The following USP54 variants were observed in gnomAD, a reference collection of about 807,000 sequenced individuals.
USP54 encodes the protein ubiquitin carboxyl-terminal hydrolase 54.
A neutral mutation model predicts 170.5 loss-of-function variants in USP54; 87 were observed. The ratio of observed to expected loss-of-function variants is 0.51; its 90% CI spans 0.43 to 0.61. The LOEUF (loss-of-function observed/expected upper bound fraction) is 0.61, where lower values mean the gene tolerates loss of function less well. Among genes scored for constraint, USP54 ranks in the 20% least tolerant of loss-of-function variants. USP54 has a pLI of 0.00. For synonymous variants in USP54, 655 were observed against 742.8 expected (o/e 0.88, Z 1.92); for missense variants, 1,786 against 2,047.8 (o/e 0.87, Z 2.47).
intron 1 of USP54, among the ~76,000 whole-genome samples, chr10:73,610,010 CAAAAAAA>C (rs1190434140): frequency 2.4e-5 from 2 of 82,732 alleles, no homozygotes; most frequent in Non-Finnish European, 5.1e-5. Flanking sequence ...ACTCTGTCTC[CAAAAAAA>C]AAAAAAAAAA....
At chr10:73,520,016 C>A in intron 18 of USP54, 24 bp from the exon 19 acceptor site, 1 of 1,562,316 alleles carries the variant, frequency 6.4e-7, no homozygotes, top group Non-Finnish European at 8.7e-7. Context: ...GAAAATATAG[C>A]AGAAACAGAA....
chr10:73,509,617 T>TAA (rs757858956), intron 20 of USP54, among the ~76,000 whole-genome samples: 4 of 140,586 alleles, frequency 2.8e-5, no homozygotes, highest in South Asian at 2.3e-4. Flanking sequence ...TCCGTCTCAT[T>TAA]AAAAAAAAAA....
chr10:73,604,939 G>T (rs576611648), intron 1 of USP54, among the ~76,000 whole-genome samples: 36 of 152,258 alleles, frequency 2.4e-4, no homozygotes, highest in African/African-American at 7.9e-4. Flanking sequence ...GGGGTGGACA[G>T]CTTTTATTCC....
chr10:73,625,948 C>T (rs1428149335), upstream of USP54: 1 of 151,816 alleles, frequency 6.6e-6, no homozygotes, highest in East Asian at 1.9e-4. Context: ...GCTCCTGGCG[C>T]CGCATACTTA....
Position 73,517,490 on chromosome 10 carries a change from C to T in USP54, c.2936G>A (p.Gly979Glu), listed in dbSNP as rs1350008293. The change falls in exon 20 of 24, where the codon GGG (glycine) becomes GAG (glutamate). Residue 979 changes from glycine to glutamate, a missense_variant. Coordinates refer to ENST00000687698, the MANE Select transcript of USP54 (RefSeq NM_001391956.1). ...FHRQGLPKAP[G>E]WTEKNSHHSW... ...ATGATGAGAATTCTTCTCAGTCCAC[C>T]CTGGTGCTTTAGGTAAACCTTGCCT... 1 of 1,614,180 alleles carries T rather than the reference C, an allele frequency of 6.2e-7. No individual in the cohort carries two copies. Among genetic ancestry groups the T allele is most frequent in the East Asian group, 2.2e-5 (1 of 44,880 alleles).
At chr10:73,601,904 G>A (rs921899410) in intron 1 of USP54, among the ~76,000 whole-genome samples, 6 of 152,134 alleles carry the variant, frequency 3.9e-5, no homozygotes, top group East Asian at 1.9e-4. Flanking sequence ...CAGCTACAAC[G>A]GAGGTCAAGT....
intron 1 of USP54, among the ~76,000 whole-genome samples, chr10:73,622,974 C>G (rs1442772930): frequency 6.6e-6 from 1 of 150,872 alleles, no homozygotes; most frequent in African/African-American, 2.4e-5. Flanking sequence ...AAATTATGAA[C>G]TGACCAGTGA....
At chr10:73,572,175 G>T (rs776442320) in intron 3 of USP54, among the ~76,000 whole-genome samples, 1 of 152,072 alleles carries the variant, frequency 6.6e-6, no homozygotes, top group Non-Finnish European at 1.5e-5. Flanking sequence ...TTCCAATAGG[G>T]GAAGGGGGAT....
At chr10:73,549,150 A>G (rs567858454) in intron 4 of USP54, among the ~76,000 whole-genome samples, 7 of 152,296 alleles carry the variant, frequency 4.6e-5, no homozygotes, top group African/African-American at 1.7e-4. Context: ...GTCACTCCTT[A>G]TCAGTCTCCT....
intron 4 of USP54, among the ~76,000 whole-genome samples, chr10:73,560,426 G>A (rs367922817): frequency 4.0e-5 from 6 of 150,898 alleles, no homozygotes; most frequent in Admixed American, 1.3e-4. Context: ...AGGTCGAGGC[G>A]GGCGGATCAC....
chr10:73,518,092 T>C (rs1404026640), intron 19 of USP54: 1 of 810,622 alleles, frequency 1.2e-6, no homozygotes, highest in Non-Finnish European at 1.5e-6. Flanking sequence ...AATCAGCTAG[T>C]CTCACATGCA....
At chr10:73,582,113 G>GA (rs1262964801) in intron 1 of USP54, among the ~76,000 whole-genome samples, 3 of 152,110 alleles carry the variant, frequency 2.0e-5, no homozygotes, top group Admixed American at 6.6e-5. Context: ...GCCTGTTTCG[G>GA]AAAAAACCCA....
At chr10:73,505,506 A>G (rs1174868839) in intron 20 of USP54, 80 bp from the exon 21 acceptor site, 40 of 1,088,208 alleles carry the variant, frequency 3.7e-5, no homozygotes, top group Non-Finnish European at 5.3e-5. Flanking sequence ...GCACAAACTC[A>G]GGAGCTGTTG....
chr10:73,571,137 C>CA (rs59126730), intron 4 of USP54, among the ~76,000 whole-genome samples: 3,239 of 44,184 alleles, frequency 0.073, 334 homozygotes, highest in Non-Finnish European at 0.11. Flanking sequence ...GACTTCATCC[C>CA]AAAAAAAAAA....
chr10:73,563,523 C>T (rs888607205), intron 4 of USP54, among the ~76,000 whole-genome samples: 3 of 152,066 alleles, frequency 2.0e-5, no homozygotes, highest in Non-Finnish European at 4.4e-5. Context: ...CCACAACCTC[C>T]ACCCTCCGGG....
At chr10:73,569,413 G>T (rs1207318177) in intron 4 of USP54, among the ~76,000 whole-genome samples, 1 of 152,122 alleles carries the variant, frequency 6.6e-6, no homozygotes, top group African/African-American at 2.4e-5. Context: ...ACTTGTAAAA[G>T]ATTTGGTTTT....
chr10:73,498,682 C>A lies in USP54; in HGVS notation c.5002G>T (p.Ala1668Ser), dbSNP rs537649468. 12 of 1,599,806 alleles carry A rather than the reference C, an allele frequency of 7.5e-6. No individual in the cohort carries two copies. In the East Asian group the frequency reaches 2.7e-4, roughly 36 times the overall value. Reference protein sequence around the residue: ...GEGFLFVLSDAPRREQIRARV... With the variant: ...GEGFLFVLSDSPRREQIRARV... ...GCCCTGATCTGCTCTCTTCTGGGAG[C>A]ATCTGATAGAACAAACAGAAACCCC... Residue 1668 changes from alanine to serine, a missense_variant, in exon 24 of 24, where the codon GCT becomes TCT. By Grantham distance (99) the Ala-to-Ser change is moderately conservative. Coordinates refer to ENST00000687698, the MANE Select transcript of USP54 (RefSeq NM_001391956.1).
chr10:73,606,985 C>A (rs2079697287), intron 1 of USP54, among the ~76,000 whole-genome samples: 1 of 151,450 alleles, frequency 6.6e-6, no homozygotes, highest in African/African-American at 2.4e-5. Flanking sequence ...ATGTTCAGGG[C>A]AGCTAATATA....
intron 1 of USP54, among the ~76,000 whole-genome samples, chr10:73,625,217 G>A (rs374255809): frequency 1.0e-5 from 1 of 96,142 alleles, no homozygotes; most frequent in Non-Finnish European, 2.0e-5. Context: ...GCTCTCTCCC[G>A]CCCCCCTACC....
Sources: gnomAD v4.1 joint callset for allele counts (sites outside exome capture counted in the v4.1 genomes callset) on GRCh38, gnomAD v4.1.1 for gene constraint, MANE v1.5 for transcripts, NCBI Gene and HGNC (gene_info 2026-07-23, HGNC 2026-07-21) for gene names.